Variants in DRC11 observed in about 807,000 individuals in gnomAD.
DRC11 encodes dynein regulatory complex subunit 11.
the DRC11 span, among the ~76,000 whole-genome samples, chr2:236,421,546 T>G: frequency 2.0e-5 from 3 of 152,156 alleles, no homozygotes; most frequent in East Asian, 5.8e-4. Context: ...AATAACAGGC[T>G]CTGAAATTGA....
At chr2:236,476,682 T>C in the DRC11 span, among the ~76,000 whole-genome samples, 1 of 152,188 alleles carries the variant, frequency 6.6e-6, no homozygotes, top group East Asian at 1.9e-4. This position sits in a 1 kb window ranked among gnomAD's most constrained non-coding sequence, Gnocchi z 4.7. Flanking sequence ...CATTCTTGCA[T>C]CCCTGGGATG....
At chr2:236,373,391 C>T in the DRC11 span, among the ~76,000 whole-genome samples, 1 of 151,934 alleles carries the variant, frequency 6.6e-6, no homozygotes. Context: ...GCTGGGATTA[C>T]AGGTGTGTGC....
the DRC11 span, among the ~76,000 whole-genome samples, chr2:236,345,758 T>C: frequency 1.3e-5 from 2 of 152,228 alleles, no homozygotes; most frequent in Admixed American, 1.3e-4. Context: ...TTGCAACAAT[T>C]TGTGCTTTGT....
At chr2:236,501,611 G>C in the DRC11 span, among the ~76,000 whole-genome samples, 1 of 152,160 alleles carries the variant, frequency 6.6e-6, no homozygotes, top group African/African-American at 2.4e-5. Context: ...TCAGCATGGT[G>C]TGAGTTTTCC....
At chr2:236,399,269 C>A in the DRC11 span, 1 of 707,534 alleles carries the variant, frequency 1.4e-6, no homozygotes. The surrounding 1 kb of genome is among the most constrained non-coding windows in gnomAD (Gnocchi z 7.0). Flanking sequence ...GGATTACAGG[C>A]GCAAGCCACC....
the DRC11 span, chr2:236,497,197 A>G: frequency 1.2e-6 from 2 of 1,612,654 alleles, no homozygotes; most frequent in South Asian, 2.2e-5. This position sits in a 1 kb window ranked among gnomAD's most constrained non-coding sequence, Gnocchi z 5.1. Context: ...GATATCATCG[A>G]AATAATGGAA....
the DRC11 span, among the ~76,000 whole-genome samples, chr2:236,383,633 A>AT: frequency 7.3e-3 from 893 of 122,510 alleles, 3 homozygotes; most frequent in Middle Eastern, 0.04. Flanking sequence ...TTGTGTGGTC[A>AT]TTTTTTTTTT....
At chr2:236,505,453 A>G in the DRC11 span, among the ~76,000 whole-genome samples, 1 of 152,086 alleles carries the variant, frequency 6.6e-6, no homozygotes, top group Non-Finnish European at 1.5e-5. Context: ...TCTGCTCAGA[A>G]GCCCTCTCAG....
the DRC11 span, among the ~76,000 whole-genome samples, chr2:236,394,564 G>T: frequency 3.3e-5 from 5 of 152,080 alleles, no homozygotes; most frequent in African/African-American, 4.8e-5. The surrounding 1 kb of genome is among the most constrained non-coding windows in gnomAD (Gnocchi z 7.0). Flanking sequence ...CCAGGAGGTG[G>T]AGGTTGCAGT....
At chr2:236,449,522 C>T in the DRC11 span, among the ~76,000 whole-genome samples, 6 of 152,316 alleles carry the variant, frequency 3.9e-5, no homozygotes, top group Non-Finnish European at 5.9e-5. The surrounding 1 kb of genome is among the most constrained non-coding windows in gnomAD (Gnocchi z 5.1). Flanking sequence ...AGTCCGGAGG[C>T]GGGGGCTGGG....
the DRC11 span, among the ~76,000 whole-genome samples, chr2:236,464,956 A>G: frequency 6.6e-6 from 1 of 152,164 alleles, no homozygotes; most frequent in African/African-American, 2.4e-5. Context: ...TACCAGCATC[A>G]TGCTTCCTGT....
chr2:236,436,305 T>G, the DRC11 span, among the ~76,000 whole-genome samples: 1 of 152,204 alleles, frequency 6.6e-6, no homozygotes, highest in South Asian at 2.1e-4. Context: ...TCAGTTATCA[T>G]ATACCTTGAA....
chr2:236,307,028 G>A, the DRC11 span, among the ~76,000 whole-genome samples: 2 of 152,136 alleles, frequency 1.3e-5, no homozygotes, highest in Non-Finnish European at 2.9e-5. This position sits in a 1 kb window ranked among gnomAD's most constrained non-coding sequence, Gnocchi z 7.0. Flanking sequence ...GATGGGGCGG[G>A]GTGATTGTGG....
the DRC11 span, chr2:236,363,936 T>C: frequency 1.9e-6 from 3 of 1,613,954 alleles, no homozygotes; most frequent in African/African-American, 2.7e-5. The surrounding 1 kb of genome is among the most constrained non-coding windows in gnomAD (Gnocchi z 5.6). Context: ...CGGCTAACAG[T>C]AGCGATTTCA....
At chr2:236,360,013 C>T in the DRC11 span, among the ~76,000 whole-genome samples, 58 of 152,216 alleles carry the variant, frequency 3.8e-4, no homozygotes, top group African/African-American at 1.3e-3. The surrounding 1 kb of genome is among the most constrained non-coding windows in gnomAD (Gnocchi z 5.8). Flanking sequence ...TTCTAATAAA[C>T]GCAAAGATCG....
chr2:236,497,720 G>A, the DRC11 span, among the ~76,000 whole-genome samples: 1 of 152,110 alleles, frequency 6.6e-6, no homozygotes, highest in Non-Finnish European at 1.5e-5. This position sits in a 1 kb window ranked among gnomAD's most constrained non-coding sequence, Gnocchi z 5.1. Context: ...AAAGCATTTT[G>A]TCTAAATGAT....
the DRC11 span, among the ~76,000 whole-genome samples, chr2:236,374,238 A>T: frequency 4.6e-5 from 7 of 152,012 alleles, no homozygotes; most frequent in African/African-American, 1.7e-4. Context: ...CTTGTTTTCT[A>T]GTTGCTCTAT....
At chr2:236,374,202 G>A in the DRC11 span, among the ~76,000 whole-genome samples, 1 of 152,208 alleles carries the variant, frequency 6.6e-6, no homozygotes, top group South Asian at 2.1e-4. Flanking sequence ...TAGTTTTGGT[G>A]CAAGTGTTGC....
chr2:236,376,024 T>C, the DRC11 span, among the ~76,000 whole-genome samples: 3 of 152,214 alleles, frequency 2.0e-5, no homozygotes, highest in African/African-American at 7.2e-5. The surrounding 1 kb of genome is among the most constrained non-coding windows in gnomAD (Gnocchi z 5.7). Flanking sequence ...GGAAAGATGA[T>C]GCTTTACAGT....
Sources: gnomAD v4.1 joint callset for allele counts (sites outside exome capture counted in the v4.1 genomes callset) on GRCh38, gnomAD v4.1.1 for gene constraint, Gnocchi (gnomAD v3.1) non-coding constraint, MANE v1.5 for transcripts, NCBI Gene and HGNC (gene_info 2026-07-23, HGNC 2026-07-21) for gene names.